Variants in KLF8 observed in about 807,000 individuals in gnomAD.
KLF8 encodes Krueppel-like factor 8.
Under a neutral mutation model 18.2 loss-of-function variants are expected in KLF8, and 10 were observed. The ratio of observed to expected loss-of-function variants is 0.55; its 90% CI spans 0.34 to 0.93. The LOEUF (loss-of-function observed/expected upper bound fraction) is 0.93, where lower values mean the gene tolerates loss of function less well. Among genes scored for constraint, KLF8 ranks in the 40% least tolerant of loss-of-function variants. The pLI, the probability that KLF8 is intolerant of heterozygous loss-of-function variation, is 0.02. For missense variants in KLF8, 264 were observed against 277.9 expected (o/e 0.95, Z 0.36); for synonymous variants, 109 against 97.3 (o/e 1.12, Z -0.71).
chrX:56,010,399 G>C, the KLF8 span, among the ~76,000 whole-genome samples: 1 of 112,104 alleles, frequency 8.9e-6, no homozygotes. Flanking sequence ...ATCCTTTTCA[G>C]ACAAGCAAAT....
the KLF8 span, among the ~76,000 whole-genome samples, chrX:56,181,071 C>T: frequency 9.0e-6 from 1 of 111,228 alleles, no homozygotes; most frequent in Non-Finnish European, 1.9e-5. Flanking sequence ...GTACTAAAGT[C>T]TCCCATTATT....
At chrX:56,089,899 G>T in the KLF8 span, among the ~76,000 whole-genome samples, 1 of 112,028 alleles carries the variant, frequency 8.9e-6, no homozygotes, top group Non-Finnish European at 1.9e-5. Flanking sequence ...CAAGTGGAAG[G>T]GAAAAATAAG....
intron 1 of KLF8, among the ~76,000 whole-genome samples, chrX:56,239,485 T>G (rs2066518434): frequency 1.8e-5 from 2 of 112,262 alleles, no homozygotes; most frequent in African/African-American, 3.2e-5. Flanking sequence ...GGCTGCCAGT[T>G]TTCTCTATCT....
chrX:56,023,265 A>T, the KLF8 span, among the ~76,000 whole-genome samples: 6 of 112,136 alleles, frequency 5.4e-5, no homozygotes, highest in Non-Finnish European at 9.4e-5. Flanking sequence ...AAATATATAA[A>T]ACATACAGAA....
chrX:56,241,130 G>A (rs1247146597), intron 1 of KLF8, among the ~76,000 whole-genome samples: 4 of 111,854 alleles, frequency 3.6e-5, no homozygotes, highest in South Asian at 3.7e-4. Context: ...GAGAGTAGGC[G>A]CATGGGGTTT....
the KLF8 span, among the ~76,000 whole-genome samples, chrX:56,158,267 G>A: frequency 3.6e-5 from 4 of 111,937 alleles, no homozygotes; most frequent in Non-Finnish European, 7.5e-5. Flanking sequence ...TTTGGTACCA[G>A]TACCATGCTG....
chrX:56,116,634 G>GAGAT, the KLF8 span, among the ~76,000 whole-genome samples: 9 of 78,191 alleles, frequency 1.2e-4, no homozygotes, highest in African/African-American at 4.4e-4. Context: ...ATGATGTTCT[G>GAGAT]ATATATATAT....
At chrX:56,025,442 C>T in the KLF8 span, among the ~76,000 whole-genome samples, 1 of 111,720 alleles carries the variant, frequency 9.0e-6, no homozygotes, top group Non-Finnish European at 1.9e-5. Flanking sequence ...TGGAGCCAAA[C>T]AAGATCTTAT....
chrX:56,015,098 G>A, the KLF8 span: 1 of 110,431 alleles, frequency 9.1e-6, no homozygotes, highest in African/African-American at 3.3e-5. Context: ...CATGGCACAT[G>A]TTTACTAATG....
At chrX:56,173,332 C>A in the KLF8 span, among the ~76,000 whole-genome samples, 1 of 111,890 alleles carries the variant, frequency 8.9e-6, no homozygotes, top group Non-Finnish European at 1.9e-5. Flanking sequence ...AGCCAGTTTT[C>A]CCAGCACCTT....
chrX:56,202,499 G>T, the KLF8 span, among the ~76,000 whole-genome samples: 24 of 109,277 alleles, frequency 2.2e-4, no homozygotes, highest in African/African-American at 8.0e-4. Flanking sequence ...TCACCCTGTT[G>T]TGCTATCAAA....
the KLF8 span, among the ~76,000 whole-genome samples, chrX:56,156,889 C>T: frequency 9.3e-6 from 1 of 108,106 alleles, no homozygotes; most frequent in Non-Finnish European, 1.9e-5. Flanking sequence ...CTACAAATGA[C>T]ATGAACTCAT....
At chrX:55,914,574 T>C in the KLF8 span, among the ~76,000 whole-genome samples, 1 of 111,776 alleles carries the variant, frequency 8.9e-6, no homozygotes, top group African/African-American at 3.2e-5. Flanking sequence ...TATGAGCAAG[T>C]AAAATGTGGG....
At chrX:56,127,615 G>A in the KLF8 span, among the ~76,000 whole-genome samples, 1 of 111,685 alleles carries the variant, frequency 9.0e-6, no homozygotes, top group Non-Finnish European at 1.9e-5. Flanking sequence ...GCAGTGAGCT[G>A]TGATCAGGCC....
chrX:56,093,592 A>G, the KLF8 span, among the ~76,000 whole-genome samples: 1,033 of 110,751 alleles, frequency 9.3e-3, 10 homozygotes, highest in African/African-American at 0.032. Context: ...ATAGGTCAGA[A>G]GCTTGGACCA....
the KLF8 span, among the ~76,000 whole-genome samples, chrX:56,037,921 C>A: frequency 9.0e-6 from 1 of 111,686 alleles, no homozygotes; most frequent in South Asian, 3.7e-4. Context: ...TTATTTATTT[C>A]TTCTAAATAT....
the KLF8 span, among the ~76,000 whole-genome samples, chrX:56,033,667 C>G: frequency 9.0e-6 from 1 of 111,666 alleles, no homozygotes; most frequent in African/African-American, 3.3e-5. Context: ...TTTCTCTTCA[C>G]TTGTTATCAC....
At chrX:56,076,079 A>T in the KLF8 span, among the ~76,000 whole-genome samples, 1 of 107,071 alleles carries the variant, frequency 9.3e-6, no homozygotes, top group African/African-American at 3.5e-5. Context: ...TGTTCTTGCG[A>T]TAGTTTATTG....
upstream of KLF8, among the ~76,000 whole-genome samples, chrX:56,231,714 G>A (rs762718476): frequency 9.0e-6 from 1 of 111,528 alleles, no homozygotes; most frequent in East Asian, 2.8e-4. Context: ...CTCCTATCCT[G>A]TGGATTCAGC....
Sources: gnomAD v4.1 joint callset for allele counts (sites outside exome capture counted in the v4.1 genomes callset) on GRCh38, gnomAD v4.1.1 for gene constraint, MANE v1.5 for transcripts, NCBI Gene and HGNC (gene_info 2026-07-23, HGNC 2026-07-21) for gene names.